The following ARMC10 variants were observed in gnomAD, a reference collection of about 807,000 sequenced individuals.
ARMC10 encodes the protein armadillo repeat containing 10.
Under a neutral mutation model 30.2 loss-of-function variants are expected in ARMC10, and 23 were observed. The observed-to-expected ratio is 0.76, with a 90% CI of 0.55 to 1.08. The LOEUF is 1.08. Ranked by LOEUF, ARMC10 falls within the 50% of genes least tolerant of loss-of-function variation. ARMC10 has a pLI of 0.00. For synonymous variants in ARMC10, 111 were observed against 164.4 expected (o/e 0.68, Z 2.48); for missense variants, 303 against 413.7 (o/e 0.73, Z 2.32).
At chr7:103,096,753 G>A (rs1370148658) in intron 5 of ARMC10, 3 of 154,288 alleles carry the variant, frequency 1.9e-5, no homozygotes, top group East Asian at 3.8e-4. Context: ...ACTACAGGCC[G>A]ACACCATCAT....
chr7:103,080,106 A>C (rs1382312756), intron 2 of ARMC10, among the ~76,000 whole-genome samples: 1 of 152,242 alleles, frequency 6.6e-6, no homozygotes, highest in Non-Finnish European at 1.5e-5. Context: ...CTAGATGGAA[A>C]GTAGAACACA....
intron 2 of ARMC10, among the ~76,000 whole-genome samples, chr7:103,082,250 C>T (rs1487106840): frequency 2.0e-5 from 3 of 152,104 alleles, no homozygotes; most frequent in African/African-American, 4.8e-5. Flanking sequence ...ATTTGGCTTC[C>T]TCAGGGCATC....
At chr7:103,085,845 C>T (rs1012349435) in intron 3 of ARMC10, among the ~76,000 whole-genome samples, 5 of 152,088 alleles carry the variant, frequency 3.3e-5, no homozygotes, top group Admixed American at 6.6e-5. Flanking sequence ...TACCTCCTCA[C>T]CTCAAGTGTT....
In ARMC10 at chr7:103,083,814, C is replaced by G. The variant is rs752412153; in HGVS notation, c.377C>G (p.Ala126Gly). The change falls in exon 3 of 7, where the codon GCC becomes GGC. Residue 126 changes from alanine (A) to glycine (G), a missense_variant. Transcript: ENST00000323716. ...TTGATTACTTTGGGTAACAATGCAG[C>G]CTTTTCAGTTAACCAAGTAAGTACC... ...RALITLGNNAAFSVNQAIIRE... is the reference protein window; with the variant it reads ...RALITLGNNAGFSVNQAIIRE... 24 of 1,613,830 alleles carry G rather than the reference C, an allele frequency of 1.5e-5. No individual in the cohort carries two copies. The East Asian group carries it at 3.3e-4, about 22-fold the overall frequency.
At chr7:103,097,824 T>C (rs1284953189) in intron 6 of ARMC10, among the ~76,000 whole-genome samples, 1 of 152,114 alleles carries the variant, frequency 6.6e-6, no homozygotes, top group Non-Finnish European at 1.5e-5. Context: ...CTGTGATAAG[T>C]GTTCTGAATG....
At chr7:103,093,826 CTG>C (rs1801549786) in intron 5 of ARMC10, among the ~76,000 whole-genome samples, 2 of 152,202 alleles carry the variant, frequency 1.3e-5, no homozygotes, top group African/African-American at 4.8e-5. Flanking sequence ...CTGTATATAT[CTG>C]TCTCAGACAT....
chr7:103,089,799 C>T (rs968847356), intron 4 of ARMC10, among the ~76,000 whole-genome samples: 2 of 152,146 alleles, frequency 1.3e-5, no homozygotes, highest in African/African-American at 4.8e-5. Context: ...CAGAAAAATG[C>T]AATATTAGGA....
At chr7:103,095,266 G>C (rs970440959) in intron 5 of ARMC10, among the ~76,000 whole-genome samples, 1 of 152,074 alleles carries the variant, frequency 6.6e-6, no homozygotes, top group East Asian at 1.9e-4. Context: ...GCTGATTTTT[G>C]TATTTTTGGT....
chr7:103,076,837 AAAACAAAAAAC>A (rs910079011), intron 2 of ARMC10, among the ~76,000 whole-genome samples: 32 of 28,738 alleles, frequency 1.1e-3, no homozygotes, highest in East Asian at 0.5. Context: ...TCTGTCTCAA[AAAACAAAAAAC>A]AAACAAAAAG....
chr7:103,092,107 C>T (rs925649081), intron 4 of ARMC10, among the ~76,000 whole-genome samples: 11 of 152,164 alleles, frequency 7.2e-5, no homozygotes, highest in Admixed American at 1.3e-4. Flanking sequence ...CCGAGGCGGG[C>T]GGATCGCGAG....
At chr7:103,085,606 C>CTTTTTTTTTT (rs10581217) in intron 3 of ARMC10, among the ~76,000 whole-genome samples, 12 of 130,582 alleles carry the variant, frequency 9.2e-5, no homozygotes, top group African/African-American at 3.4e-4. Flanking sequence ...CATTTCTCTT[C>CTTTTTTTTTT]TTTTTTTTTT....
rs754171645 is a variant in ARMC10 at position 103,075,308 on chromosome 7, G to A, written c.36G>A (p.Ala12=). ...CCCGGGGCGCGGGCTGGGTGGCGGCGGGCCTGCTGCTCGGCGCGGGCGCCT... is the reference window on the plus strand; with the variant it reads ...CCCGGGGCGCGGGCTGGGTGGCGGCAGGCCTGCTGCTCGGCGCGGGCGCCT... ...GGPRGAGWVA[A]GLLLGAGACY... Residue 12 remains alanine, a synonymous_variant, in exon 1 of 7, where the codon GCG becomes GCA. Transcript: ENST00000323716. 1.1e-5 allele frequency: 13 copies of A among 1,233,014 alleles called. No individual in the cohort carries two copies. The East Asian group carries it at 2.8e-4, about 27-fold the overall frequency. 76.4% of individuals were successfully genotyped at this position (1,233,014 alleles called of 1,614,324 possible).
chr7:103,096,293 G>A (rs1351225850), intron 5 of ARMC10: 1 of 152,112 alleles, frequency 6.6e-6, no homozygotes, highest in African/African-American at 2.4e-5. Context: ...TTGAGGCCAG[G>A]AGTTCAAGAC....
At chr7:103,084,111 T>G (rs1800627381) in intron 3 of ARMC10, 1 of 1,257,936 alleles carries the variant, frequency 7.9e-7, no homozygotes, top group Non-Finnish European at 1.0e-6. Context: ...TTTAAATTAT[T>G]TAAAATTCAG....
chr7:103,098,298 G>C lies in ARMC10; in HGVS notation c.778-1G>C. On this transcript the variant is annotated splice_acceptor_variant, in intron 6 of 6. Transcript: ENST00000323716. LOFTEE classifies it high-confidence loss of function. ...ATAATACTCATTGTTTCATATTTCA[G>C]GTGGATTCATCATTCCTTTCCCTTT... is the stretch of plus-strand genomic sequence containing the variant. The C allele has an allele frequency of 6.6e-7, 1 of 1,510,220 alleles. No homozygotes were observed. Among genetic ancestry groups the C allele is most frequent in the Non-Finnish European group, 8.8e-7 (1 of 1,133,256 alleles). The allele number at this position is 1,510,220 out of a possible 1,614,324, so 93.6% of individuals were successfully genotyped here.
chr7:103,093,912 TTGTTG>T (rs1451133918), intron 5 of ARMC10, among the ~76,000 whole-genome samples: 1 of 152,244 alleles, frequency 6.6e-6, no homozygotes, highest in Non-Finnish European at 1.5e-5. Context: ...TATTTTTGTT[TTGTTG>T]TGTTGTGTTT....
In ARMC10 at chr7:103,099,309, T is replaced by C. The variant is rs1201168304; in HGVS notation, c.*756T>C. ...CAATATGGAGAAACCCTGTCTCTAC[T>C]AAGAACACAAAATTAGCTGGGCATG... On this transcript the variant is annotated 3_prime_UTR_variant, in exon 7 of 7. Coordinates refer to ENST00000323716, the MANE Select transcript of ARMC10 (RefSeq NM_031905.5). The C allele has an allele frequency of 1.7e-5, 2 of 117,064 alleles. No individual in the cohort carries two copies. The highest frequency in any genetic ancestry group is 5.6e-5 in the African/African-American group (2 of 35,740). 7.3% of individuals were successfully genotyped at this position (117,064 alleles called of 1,614,324 possible). A position where few individuals can be genotyped will look rare whatever the true frequency, so the allele number is the denominator to read the frequency against.
intron 2 of ARMC10, 138 bp downstream of exon 2, chr7:103,076,019 G>T: frequency 1.8e-6 from 1 of 546,710 alleles, no homozygotes; most frequent in Non-Finnish European, 3.0e-6. Flanking sequence ...CATGGAAGCT[G>T]TTAGGGAAAT....
intron 2 of ARMC10, among the ~76,000 whole-genome samples, chr7:103,080,115 CAT>C (rs1402157050): frequency 9.2e-5 from 14 of 152,302 alleles, no homozygotes; most frequent in East Asian, 1.9e-4. Context: ...AAGTAGAACA[CAT>C]GTTTGACTCC....
Sources: allele counts gnomAD v4.1 joint callset (sites outside exome capture counted in the v4.1 genomes callset), GRCh38; gene constraint gnomAD v4.1.1; transcripts MANE v1.5; gene names NCBI Gene and HGNC (gene_info 2026-07-23, HGNC 2026-07-21).